The following REV3L variants were observed in gnomAD, a reference collection of about 807,000 sequenced individuals.
The protein encoded by REV3L is DNA polymerase zeta catalytic subunit.
In REV3L, 69 loss-of-function variants were observed where a neutral mutation model predicts 299.4. The observed-to-expected ratio is 0.23, with a 90% CI of 0.19 to 0.28. The LOEUF (loss-of-function observed/expected upper bound fraction) is 0.28, where lower values mean the gene tolerates loss of function less well. Ranked by LOEUF, REV3L falls within the 10% of genes least tolerant of loss-of-function variation. REV3L has a pLI of 1.00. For missense variants in REV3L, 3,128 were observed against 3,693.8 expected, an observed-to-expected ratio of 0.85 and a Z score of 3.97; for synonymous variants, 1,238 against 1,271.4, an observed-to-expected ratio of 0.97 and a Z score of 0.56.
chr6:111,399,565 A>G (rs1282144890), intron 4 of REV3L, among the ~76,000 whole-genome samples: 2 of 152,128 alleles, frequency 1.3e-5, no homozygotes, highest in East Asian at 1.9e-4. Context: ...TGGTCTATTT[A>G]TCTGTCTTTC....
intron 1 of REV3L, among the ~76,000 whole-genome samples, chr6:111,453,590 T>C: frequency 6.6e-6 from 1 of 152,222 alleles, no homozygotes; most frequent in African/African-American, 2.4e-5. Context: ...TTTACCACTA[T>C]ATACTGCTTA....
At chr6:111,302,129 T>C (rs1277934322) in intron 31 of REV3L, among the ~76,000 whole-genome samples, 1 of 152,206 alleles carries the variant, frequency 6.6e-6, no homozygotes, top group Non-Finnish European at 1.5e-5. Flanking sequence ...TTTTTCTAAG[T>C]AGACTGGTTA....
rs17539343 is a variant in REV3L at position 111,406,254 on chromosome 6, C to A, written c.405-624G>T. Among the ~76,000 whole-genome samples, 961 of 152,110 alleles carry A rather than the reference C, an allele frequency of 6.3e-3. 12 individuals are homozygous for A. The highest frequency in any genetic ancestry group is 0.022 in the African/African-American group (910 of 41,488). The stretch of plus-strand genomic sequence containing the variant: ...CTCTGAAGAGAGGGAAGAGTATTCA[C>A]GTAAATAAAACTGCACATGTAAAGG... On this transcript the variant is annotated intron_variant, in intron 3 of 31. Transcript: ENST00000368802.
chr6:111,382,111 A>G (rs1241201187), intron 9 of REV3L, among the ~76,000 whole-genome samples: 15 of 152,196 alleles, frequency 9.9e-5, no homozygotes, highest in Admixed American at 9.2e-4. Context: ...CTTTCATTAT[A>G]TATCACATTC....
intron 1 of REV3L, among the ~76,000 whole-genome samples, chr6:111,465,756 A>AAAC (rs1554250449): frequency 1.4e-5 from 2 of 146,996 alleles, no homozygotes; most frequent in Non-Finnish European, 3.0e-5. Flanking sequence ...AAAAAAAAAA[A>AAAC]AAAAAAAAAA....
chr6:111,307,445 T>C lies in REV3L; in HGVS notation c.9168A>G (p.Lys3056=), dbSNP rs371975039. The change falls in exon 31 of 32, where the codon AAA becomes AAG. Residue 3056 remains lysine, a synonymous_variant. Transcript: ENST00000368802. ...CAACATGCTGAGGTTGGCTCCGACATTTACTACAGATGCCATGCTGAGTTA... is the reference window on the plus strand; with the variant it reads ...CAACATGCTGAGGTTGGCTCCGACACTTACTACAGATGCCATGCTGAGTTA... The part of the protein sequence containing the change: ...DDLTQHGICS[K]CRSQPQHVAV... 1 of 1,614,094 alleles carries C rather than the reference T, an allele frequency of 6.2e-7. No individual in the cohort carries two copies.
chr6:111,387,324 T>C (rs1258673635), intron 9 of REV3L, among the ~76,000 whole-genome samples: 1 of 152,142 alleles, frequency 6.6e-6, no homozygotes, highest in Admixed American at 6.5e-5. Context: ...GATGGAAACA[T>C]TCTAAAACTG....
chr6:111,367,901 G>A lies in REV3L; in HGVS notation c.5887C>T (p.Pro1963Ser). 1.2e-6 allele frequency: 2 copies of A among 1,614,130 alleles called. No individual in the cohort carries two copies. The highest frequency in any genetic ancestry group is 2.2e-5 in the South Asian group (2 of 91,074). Residue 1963 changes from proline (P) to serine (S), a missense_variant, in exon 14 of 32, where the codon CCA becomes TCA. By Grantham distance (74) the Pro-to-Ser change is moderately conservative. This residue lies in a region of REV3L where 2,409 missense variants were observed against 2,611.8 expected (regional missense o/e 0.92). Transcript: ENST00000368802. ...CTGCGAAGGGGTGACCCTGGCCTTG[G>A]ATTCTGAGTCATTGCTGAGAATGCT... is the stretch of plus-strand genomic sequence containing the variant. ...KTAFSAMTQN[P>S]RPGSPLRSGQ...
chr6:111,334,131 G>A (rs1167434895), intron 22 of REV3L, among the ~76,000 whole-genome samples: 2 of 152,190 alleles, frequency 1.3e-5, no homozygotes, highest in Admixed American at 6.5e-5. Context: ...TAGAGATGGG[G>A]TTTCATCATG....
At chr6:111,305,144 TTGGTCAGGC>T (rs1225915005) in intron 31 of REV3L, among the ~76,000 whole-genome samples, 1 of 152,136 alleles carries the variant, frequency 6.6e-6, no homozygotes, top group African/African-American at 2.4e-5. Context: ...TTTCTCCATA[TTGGTCAGGC>T]TGGTCTCGAA....
intron 2 of REV3L, among the ~76,000 whole-genome samples, chr6:111,414,931 T>C (rs17510548): frequency 0.033 from 4,975 of 152,286 alleles, 101 homozygotes; most frequent in Middle Eastern, 0.11. Flanking sequence ...TGGTCTTTTC[T>C]ACCTTAATAT....
At chr6:111,303,165 C>CTTTCTTT (rs4038141) in intron 31 of REV3L, among the ~76,000 whole-genome samples, 18,127 of 91,890 alleles carry the variant, frequency 0.2, 4,632 homozygotes, top group East Asian at 0.36. Flanking sequence ...TCTTTTCTTT[C>CTTTCTTT]TTTTTTTTTT....
At chr6:111,346,282 C>T (rs879601214) in intron 20 of REV3L, among the ~76,000 whole-genome samples, 10 of 152,114 alleles carry the variant, frequency 6.6e-5, no homozygotes, top group African/African-American at 2.4e-4. Context: ...TCCAGAAGGC[C>T]TCTAAGTATA....
In REV3L at chr6:111,405,400, C is replaced by T. The variant is rs1441991827; in HGVS notation, c.565+70G>A. 4.7e-5 allele frequency: 43 copies of T among 921,670 alleles called. No homozygotes were observed. The South Asian group carries it at 7.5e-4, about 16-fold the overall frequency. The allele number at this position is 921,670 out of a possible 1,614,324, so 57.1% of individuals were successfully genotyped here. On this transcript the variant is annotated intron_variant, in intron 4 of 31. Coordinates refer to ENST00000368802, the MANE Select transcript of REV3L (RefSeq NM_001372078.1). ...TAAATATATATTATTTTATAAATCACTGACTATATAACACTTGTTTCAAAA... is the reference window on the plus strand; with the variant it reads ...TAAATATATATTATTTTATAAATCATTGACTATATAACACTTGTTTCAAAA...
intron 4 of REV3L, 78 bp downstream of exon 4, chr6:111,405,392 A>G: frequency 3.6e-6 from 3 of 833,018 alleles, no homozygotes; most frequent in Non-Finnish European, 5.2e-6. Context: ...ATATTATTTT[A>G]TAAATCACTG....
At position 111,376,358 on chromosome 6, in the gene REV3L, A is replaced by C; in HGVS notation, c.1997T>G (p.Ile666Ser). 6.2e-7 allele frequency: 1 copy of C among 1,612,580 alleles called. No homozygotes were observed. Among genetic ancestry groups the C allele is most frequent in the African/African-American group, 1.3e-5 (1 of 74,910 alleles). ...TGGTACTTGTCTTGTAACAGATGGA[A>C]TATCTTCTTCATAATCAAAAATACT... ...ESSIFDYEED[I>S]PSVTRQVPSR... Residue 666 changes from isoleucine (I) to serine (S), a missense_variant, in exon 13 of 32, where the codon ATT becomes AGT. By Grantham distance (142) the Ile-to-Ser change is moderately radical. Coordinates refer to ENST00000368802, the MANE Select transcript of REV3L (RefSeq NM_001372078.1).
At chr6:111,455,585 G>GCCTCC (rs1790070536) in intron 1 of REV3L, among the ~76,000 whole-genome samples, 1 of 152,068 alleles carries the variant, frequency 6.6e-6, no homozygotes, top group Non-Finnish European at 1.5e-5. Flanking sequence ...AGACAAACTG[G>GCCTCC]GAGGCTATTA....
rs916203556 is a variant in REV3L at position 111,482,711 on chromosome 6, C to G, written c.139+39G>C. 6 of 1,212,352 alleles carry G rather than the reference C, an allele frequency of 4.9e-6. No individual in the cohort carries two copies. The African/African-American group carries it at 6.4e-5, about 13-fold the overall frequency. The allele number at this position is 1,212,352 out of a possible 1,614,324, so 75.1% of individuals were successfully genotyped here. A position where few individuals can be genotyped will look rare whatever the true frequency, so the allele number is the denominator to read the frequency against. ...CGGGGAGGGCGGCCCCGGCGCCCCG[C>G]CGACTCCCGCTCCCGCCCCGCGCCC... On this transcript the variant is annotated intron_variant, in intron 1 of 31. Coordinates refer to ENST00000368802, the MANE Select transcript of REV3L (RefSeq NM_001372078.1).
intron 1 of REV3L, among the ~76,000 whole-genome samples, chr6:111,457,875 C>T (rs1401036084): frequency 6.6e-6 from 1 of 151,726 alleles, no homozygotes; most frequent in African/African-American, 2.4e-5. Flanking sequence ...AACAAACCAA[C>T]AAAAGAAAAC....
Sources: allele counts gnomAD v4.1 joint callset (sites outside exome capture counted in the v4.1 genomes callset), GRCh38; gene constraint gnomAD v4.1.1; regional missense constraint gnomAD v4.1.1; transcripts MANE v1.5; gene names NCBI Gene and HGNC (gene_info 2026-07-23, HGNC 2026-07-21).